ABCB11: variants seen among roughly 807,000 people sequenced by gnomAD.
ABCB11 encodes ATP binding cassette subfamily B member 11, also known as bile salt export pump.
ABCB11 carries 95 observed loss-of-function variants against 148.0 expected under a neutral mutation model. The ratio of observed to expected loss-of-function variants is 0.64; its 90% CI spans 0.54 to 0.76. The LOEUF (loss-of-function observed/expected upper bound fraction) is 0.76. ABCB11 is among the 30% of genes least tolerant of loss of function. ABCB11 has a pLI of 0.00. For synonymous variants in ABCB11, 591 were observed against 555.4 expected (o/e 1.06, Z -0.90); for missense variants, 1,523 against 1,617.8 (o/e 0.94, Z 1.01).
At chr2:169,019,316 G>T (rs771789205) in intron 1 of ABCB11, among the ~76,000 whole-genome samples, 3 of 152,146 alleles carry the variant, frequency 2.0e-5, no homozygotes, top group Non-Finnish European at 4.4e-5. Flanking sequence ...TAATTAAAGA[G>T]ATAATTGCTA....
At chr2:168,965,219 C>T (rs780509973) in intron 17 of ABCB11, among the ~76,000 whole-genome samples, 1 of 151,670 alleles carries the variant, frequency 6.6e-6, no homozygotes, top group African/African-American at 2.4e-5. Context: ...AGCATGGAGA[C>T]AGGGGAGGAC....
chr2:168,970,794 T>C (rs796846462), intron 14 of ABCB11, among the ~76,000 whole-genome samples: 4 of 152,156 alleles, frequency 2.6e-5, no homozygotes, highest in African/African-American at 9.6e-5. Context: ...AGCATGGTTC[T>C]GAGCTTTTTA....
At chr2:168,942,507 C>CA (rs3067961) in intron 21 of ABCB11, among the ~76,000 whole-genome samples, 1,558 of 149,262 alleles carry the variant, frequency 0.01, 32 homozygotes, top group African/African-American at 0.036. Context: ...ACAAAGGGTG[C>CA]AAAAAAAAAA....
At chr2:168,945,731 A>C (rs6433100) in intron 19 of ABCB11, among the ~76,000 whole-genome samples, 8,368 of 151,894 alleles carry the variant, frequency 0.055, 586 homozygotes, top group African/African-American at 0.17. Context: ...AGTTGTATTA[A>C]TATTTTGACC....
At chr2:168,969,698 A>G in intron 15 of ABCB11, 147 bp from the exon 16 acceptor site, 3 of 787,160 alleles carry the variant, frequency 3.8e-6, no homozygotes, top group Non-Finnish European at 5.9e-6. Flanking sequence ...AGAAAAGGCC[A>G]GCACATTTTC....
Position 168,957,999 on chromosome 2 carries a change from G to C in ABCB11, c.2308C>G (p.Pro770Ala). The C allele has an allele frequency of 6.2e-7, 1 of 1,605,592 alleles. No homozygotes were observed. The highest frequency in any genetic ancestry group is 8.5e-7 in the Non-Finnish European group (1 of 1,173,884). ...TGGCTGAATAAAAAGGCATACAAGG[G>C]TGTGACTGTCCCGTTCACAGCTGCA... The part of the protein sequence containing the change: ...VGAAVNGTVT[P>A]LYAFLFSQIL... Residue 770 changes from proline to alanine, a missense_variant, in exon 19 of 28, where the codon CCC becomes GCC. Transcript: ENST00000650372.
intron 1 of ABCB11, among the ~76,000 whole-genome samples, chr2:169,019,890 C>T (rs984994393): frequency 1.3e-5 from 2 of 152,106 alleles, no homozygotes; most frequent in Non-Finnish European, 1.5e-5. Flanking sequence ...AGCATCTTTA[C>T]AGACATTCAA....
At position 168,953,972 on chromosome 2, in the gene ABCB11, C is replaced by G. The variant is rs147416714; in HGVS notation, c.2343+3992G>C. 8.5e-3 allele frequency among the ~76,000 whole-genome samples: 1,295 copies of G among 151,756 alleles called. 18 individuals are homozygous for G. Among genetic ancestry groups the G allele is most frequent in the African/African-American group, 0.029 (1,187 of 41,464 alleles). On this transcript the variant is annotated intron_variant, in intron 19 of 27. Transcript: ENST00000650372. ...TCACCTTACATATGTTGATTGATGTCTCGTGTCTCCCTAAAATGTATACAA... is the reference window on the plus strand; with the variant it reads ...TCACCTTACATATGTTGATTGATGTGTCGTGTCTCCCTAAAATGTATACAA...
At chr2:168,948,107 GA>G (rs1437165145) in intron 19 of ABCB11, among the ~76,000 whole-genome samples, 1 of 151,716 alleles carries the variant, frequency 6.6e-6, no homozygotes, top group Non-Finnish European at 1.5e-5. Flanking sequence ...GCCAGTTTCA[GA>G]AGAAAGATCT....
intron 9 of ABCB11, among the ~76,000 whole-genome samples, chr2:168,990,178 G>C (rs76773809): frequency 0.014 from 2,113 of 152,146 alleles, 26 homozygotes; most frequent in South Asian, 0.024. Flanking sequence ...GAGGAGGACT[G>C]GTACTAGTTT....
chr2:168,923,374 G>T lies in ABCB11; in HGVS notation c.*248C>A. ...GTGGCTGAGCTGCCACTTGACATTG[G>T]GTTTTCCCTCATATGGACCCTAGTT... On this transcript the variant is annotated 3_prime_UTR_variant, in exon 28 of 28. Coordinates refer to ENST00000650372, the MANE Select transcript of ABCB11 (RefSeq NM_003742.4). 3.6e-6 allele frequency: 2 copies of T among 556,012 alleles called. No individual in the cohort carries two copies. The highest frequency in any genetic ancestry group is 2.3e-5 in the South Asian group (1 of 43,066). The allele number at this position is 556,012 out of a possible 1,614,324, so 34.4% of individuals were successfully genotyped here. A position where few individuals can be genotyped will look rare whatever the true frequency, so the allele number is the denominator to read the frequency against.
At chr2:168,923,955 G>C in intron 27 of ABCB11, 133 bp from the exon 28 acceptor site, 2 of 788,998 alleles carry the variant, frequency 2.5e-6, no homozygotes, top group Non-Finnish European at 2.0e-6. Context: ...CAACATAAGA[G>C]AGGATTAAGC....
chr2:168,978,132 CTTTTTT>C (rs35964117), intron 11 of ABCB11, among the ~76,000 whole-genome samples: 2 of 53,114 alleles, frequency 3.8e-5, no homozygotes, highest in African/African-American at 8.7e-5. Context: ...AATAAATTGA[CTTTTTT>C]TTTTTTTTTT....
intron 1 of ABCB11, 54 bp from the exon 2 acceptor site, chr2:169,018,206 A>C: frequency 6.7e-7 from 1 of 1,490,770 alleles, no homozygotes; most frequent in Non-Finnish European, 9.3e-7. Context: ...TTTCTTCTTT[A>C]ATCAAAGTAG....
intron 3 of ABCB11, 93 bp downstream of exon 3, chr2:169,016,685 G>C (rs1695366950): frequency 1.0e-6 from 1 of 954,338 alleles, no homozygotes; most frequent in African/African-American, 1.6e-5. Context: ...GAAGTGCAAT[G>C]TGCATGAAAG....
chr2:168,962,993 C>G (rs911417586), intron 18 of ABCB11, among the ~76,000 whole-genome samples: 3 of 151,734 alleles, frequency 2.0e-5, no homozygotes, highest in African/African-American at 7.3e-5. Context: ...AACCCAATCA[C>G]TCCCTTGTCA....
intron 19 of ABCB11, 112 bp downstream of exon 19, chr2:168,957,852 G>T: frequency 9.1e-7 from 1 of 1,094,670 alleles, no homozygotes. Context: ...TTAGAGATGA[G>T]AAAAATGAAC....
intron 3 of ABCB11, among the ~76,000 whole-genome samples, chr2:169,015,708 T>A (rs1044664034): frequency 2.6e-5 from 4 of 152,182 alleles, no homozygotes; most frequent in Non-Finnish European, 5.9e-5. Context: ...ATTTCCAGTT[T>A]ATTTTTCCTT....
intron 19 of ABCB11, among the ~76,000 whole-genome samples, chr2:168,945,579 A>AAGGAAGAGAGGACGGAAGGG (rs1180210915): frequency 3.3e-5 from 5 of 151,160 alleles, no homozygotes; most frequent in Non-Finnish European, 7.4e-5. Context: ...GGGACAGAAG[A>AAGGAAGAGAGGACGGAAGGG]AGGAAGAGAG....
Sources: allele counts gnomAD v4.1 joint callset (sites outside exome capture counted in the v4.1 genomes callset), GRCh38; gene constraint gnomAD v4.1.1; transcripts MANE v1.5; gene names NCBI Gene and HGNC (gene_info 2026-07-23, HGNC 2026-07-21).